FBLN7: variants seen among roughly 807,000 people sequenced by gnomAD.
FBLN7 encodes the protein fibulin 7.
FBLN7 carries 31 observed loss-of-function variants against 44.0 expected under a neutral mutation model. That is an observed-to-expected ratio of 0.70 (90% CI 0.53 to 0.95). The LOEUF is 0.95. Ranked by LOEUF, FBLN7 falls within the 40% of genes least tolerant of loss-of-function variation. The probability of loss-of-function intolerance (pLI) is 0.00; values close to 1 mark genes in which losing one functional copy is unlikely to be tolerated. For missense variants in FBLN7, 573 were observed against 618.5 expected, an observed-to-expected ratio of 0.93 and a Z score of 0.78; for synonymous variants, 262 against 253.4, an observed-to-expected ratio of 1.03 and a Z score of -0.32.
chr2:112,154,363 C>G (rs1268072525), intron 1 of FBLN7, among the ~76,000 whole-genome samples: 1 of 152,182 alleles, frequency 6.6e-6, no homozygotes, highest in Non-Finnish European at 1.5e-5. Flanking sequence ...CTCAAGAGCC[C>G]TGGAAGAGGC....
the FBLN7 span, among the ~76,000 whole-genome samples, chr2:112,205,127 A>G: frequency 2.0e-4 from 31 of 152,218 alleles, no homozygotes; most frequent in African/African-American, 7.0e-4. Context: ...TCTGAACTAG[A>G]TTGTTTTACA....
chr2:112,184,894 G>C (rs1030066452), intron 6 of FBLN7, among the ~76,000 whole-genome samples: 1 of 151,194 alleles, frequency 6.6e-6, no homozygotes, highest in African/African-American at 2.4e-5. Context: ...TGGGGCACTT[G>C]GGCTGAGAAG....
In FBLN7 at chr2:112,187,830, A is replaced by T; in HGVS notation, c.*324A>T. 1 of 461,024 alleles carries T rather than the reference A, an allele frequency of 2.2e-6. No homozygotes were observed. The highest frequency in any genetic ancestry group is 3.8e-6 in the Non-Finnish European group (1 of 262,390). 28.6% of individuals were successfully genotyped at this position (461,024 alleles called of 1,614,324 possible). The stretch of plus-strand genomic sequence containing the variant: ...GCAAATGGCCTTGTGAGTTTGAACT[A>T]GCTGGGGAGAGAAAAGGTGGCAATG... On this transcript the variant is annotated 3_prime_UTR_variant, in exon 8 of 8. Coordinates refer to ENST00000331203, the MANE Select transcript of FBLN7 (RefSeq NM_153214.3). The surrounding 1 kb of genome is among the most constrained non-coding windows in gnomAD (Gnocchi z 5.1).
At position 112,143,338 on chromosome 2, in the gene FBLN7, G is replaced by A. The variant is rs554670606; in HGVS notation, c.75+4608G>A. On this transcript the variant is annotated intron_variant, in intron 1 of 7. Transcript: ENST00000331203. Reference sequence around the variant, plus strand: ...CACCTTCAGCCCACAGTGGCTCTGGGCGGGCAGGGGATGCGGGCTCCCGGC... The same window carrying A: ...CACCTTCAGCCCACAGTGGCTCTGGACGGGCAGGGGATGCGGGCTCCCGGC... Among the ~76,000 whole-genome samples the A allele has an allele frequency of 2.6e-4, 40 of 152,250 alleles. No individual in the cohort carries two copies. In the East Asian group the frequency reaches 7.4e-3, roughly 28 times the overall value.
In FBLN7 at chr2:112,180,102, C is replaced by T. The variant is rs529634110; in HGVS notation, c.533-1637C>T. Among the ~76,000 whole-genome samples the T allele has an allele frequency of 1.3e-4, 20 of 152,192 alleles. No individual in the cohort carries two copies. In the South Asian group the frequency reaches 3.1e-3, roughly 24 times the overall value. ...TGCAAACTATGCATCTGACAAAGGT[C>T]TAATATCCAGCGTCTATAAGGAACT... On this transcript the variant is annotated intron_variant, in intron 4 of 7. Coordinates refer to ENST00000331203, the MANE Select transcript of FBLN7 (RefSeq NM_153214.3).
chr2:112,211,546 AT>A, the FBLN7 span: 2 of 152,208 alleles, frequency 1.3e-5, no homozygotes, highest in African/African-American at 4.8e-5. Context: ...GTAAACTTTT[AT>A]TTAACTATGT....
downstream of FBLN7, chr2:112,190,167 G>C (rs1683439738): frequency 6.6e-6 from 1 of 152,092 alleles, no homozygotes; most frequent in Non-Finnish European, 1.5e-5. Flanking sequence ...TAGAGAGTTA[G>C]TCAGATTCAA....
intron 1 of FBLN7, among the ~76,000 whole-genome samples, chr2:112,150,318 G>A (rs1306525308): frequency 6.6e-6 from 1 of 152,048 alleles, no homozygotes. Flanking sequence ...ATGACTCCCG[G>A]GCTGATTTGA....
At chr2:112,181,920 G>A (rs1291272745) in intron 5 of FBLN7, 44 bp downstream of exon 5, 2 of 1,517,400 alleles carry the variant, frequency 1.3e-6, no homozygotes, top group Non-Finnish European at 1.8e-6. Flanking sequence ...GCACGGGGAG[G>A]ACATGGGGCG....
chr2:112,159,561 G>A, intron 1 of FBLN7, 115 bp from the exon 2 acceptor site: 8 of 1,271,148 alleles, frequency 6.3e-6, no homozygotes, highest in Non-Finnish European at 8.4e-6. Flanking sequence ...GTTGCGTTGA[G>A]TGAGCTTCAA....
the FBLN7 span, among the ~76,000 whole-genome samples, chr2:112,204,857 A>G: frequency 6.6e-6 from 1 of 152,192 alleles, no homozygotes; most frequent in Non-Finnish European, 1.5e-5. Context: ...TATTCACACA[A>G]AGAAATAACA....
chr2:112,161,667 G>A (rs1363984022), intron 2 of FBLN7, among the ~76,000 whole-genome samples: 1 of 151,050 alleles, frequency 6.6e-6, no homozygotes, highest in African/African-American at 2.5e-5. Context: ...GCCCATGTGA[G>A]AGGGCCCTGC....
chr2:112,228,193 G>A, the FBLN7 span, among the ~76,000 whole-genome samples: 2 of 152,088 alleles, frequency 1.3e-5, no homozygotes, highest in Non-Finnish European at 2.9e-5. Context: ...AGGGGGAAGG[G>A]GCAGTCTTTT....
chr2:112,195,691 G>A, the FBLN7 span, among the ~76,000 whole-genome samples: 2 of 152,150 alleles, frequency 1.3e-5, no homozygotes, highest in Non-Finnish European at 2.9e-5. Flanking sequence ...ATTTAAGTAG[G>A]TTTCAGATGG....
At chr2:112,235,535 T>C in the FBLN7 span, among the ~76,000 whole-genome samples, 45 of 152,268 alleles carry the variant, frequency 3.0e-4, no homozygotes, top group Admixed American at 2.5e-3. Context: ...ACAGACTGTA[T>C]ATAAATGTTT....
At chr2:112,159,918 C>T (rs1573786795) in intron 2 of FBLN7, 83 bp downstream of exon 2, 1 of 1,252,268 alleles carries the variant, frequency 8.0e-7, no homozygotes, top group South Asian at 1.9e-5. Context: ...GGAGGCCCCT[C>T]GTCACCCCTC....
At chr2:112,140,129 C>T (rs181693884) in intron 1 of FBLN7, among the ~76,000 whole-genome samples, 1 of 131,372 alleles carries the variant, frequency 7.6e-6, no homozygotes, top group Non-Finnish European at 1.6e-5. Flanking sequence ...GCCAGTGTCC[C>T]TCCCGCCTCT....
At chr2:112,217,226 C>A in the FBLN7 span, among the ~76,000 whole-genome samples, 8 of 152,068 alleles carry the variant, frequency 5.3e-5, no homozygotes, top group Admixed American at 5.2e-4. Flanking sequence ...AAAAAATTAG[C>A]CAGACATGGT....
the FBLN7 span, among the ~76,000 whole-genome samples, chr2:112,222,041 T>C: frequency 6.6e-6 from 1 of 152,138 alleles, no homozygotes; most frequent in African/African-American, 2.4e-5. Context: ...GATTTTTTGC[T>C]TTTTTCTTCT....
Sources: gnomAD v4.1 joint callset for allele counts (sites outside exome capture counted in the v4.1 genomes callset) on GRCh38, gnomAD v4.1.1 for gene constraint, Gnocchi (gnomAD v3.1) non-coding constraint, MANE v1.5 for transcripts, NCBI Gene and HGNC (gene_info 2026-07-23, HGNC 2026-07-21) for gene names.